MEF2D: variants seen among roughly 807,000 people sequenced by gnomAD.
MEF2D encodes the protein myocyte enhancer factor 2D.
MEF2D carries 10 observed loss-of-function variants against 59.3 expected under a neutral mutation model. That is an observed-to-expected ratio of 0.17 (90% confidence interval 0.10 to 0.29). The LOEUF (loss-of-function observed/expected upper bound fraction) is 0.29, where lower values mean the gene tolerates loss of function less well. MEF2D is among the 10% of genes least tolerant of loss of function. The probability of loss-of-function intolerance (pLI) is 1.00; values close to 1 mark genes in which losing one functional copy is unlikely to be tolerated. For synonymous variants in MEF2D, 305 were observed against 295.0 expected, an observed-to-expected ratio of 1.03 and a Z score of -0.35; for missense variants, 508 against 699.4, an observed-to-expected ratio of 0.73 and a Z score of 3.09.
intron 2 of MEF2D, among the ~76,000 whole-genome samples, chr1:156,482,894 C>CT (rs1047444576): frequency 7.9e-5 from 12 of 152,192 alleles, no homozygotes; most frequent in African/African-American, 2.9e-4. Context: ...CTCCACACCT[C>CT]TGTGCTGGAG....
rs1378967641 is a variant in MEF2D, at chr1:156,466,830, T to C, written c.*815A>G. 6.5e-6 allele frequency: 1 copy of C among 152,806 alleles called. No homozygotes were observed. Among genetic ancestry groups the C allele is most frequent in the Non-Finnish European group, 1.5e-5 (1 of 68,174 alleles). 9.5% of individuals were successfully genotyped at this position (152,806 alleles called of 1,614,324 possible). A position where few individuals can be genotyped will look rare whatever the true frequency, so the allele number is the denominator to read the frequency against. On this transcript the variant is annotated 3_prime_UTR_variant, in exon 12 of 12. Transcript: ENST00000348159. ...AACTGGGGAAGGGAGGGGCTCAATTTGCCCCCTGCCTAGCCCTTCTGCCCT... is the reference window on the plus strand; with the variant it reads ...AACTGGGGAAGGGAGGGGCTCAATTCGCCCCCTGCCTAGCCCTTCTGCCCT...
At chr1:156,472,872 G>T (rs571252504) in intron 9 of MEF2D, among the ~76,000 whole-genome samples, 1 of 152,044 alleles carries the variant, frequency 6.6e-6, no homozygotes, top group African/African-American at 2.4e-5. Flanking sequence ...ACTACATCCC[G>T]CTTAATTTTC....
intron 1 of MEF2D, among the ~76,000 whole-genome samples, chr1:156,495,191 A>C (rs1207619455): frequency 6.6e-6 from 1 of 151,986 alleles, no homozygotes; most frequent in African/African-American, 2.4e-5. Context: ...TCTGCTGAGG[A>C]ATCCTGGTTT....
intron 3 of MEF2D, among the ~76,000 whole-genome samples, chr1:156,482,132 A>G (rs1418601181): frequency 6.6e-6 from 1 of 152,260 alleles, no homozygotes; most frequent in Non-Finnish European, 1.5e-5. Flanking sequence ...GACAGGATGC[A>G]AGAAGGCAGG....
chr1:156,479,510 G>A (rs1189305197), intron 5 of MEF2D, 76 bp downstream of exon 5: 1 of 1,517,262 alleles, frequency 6.6e-7, no homozygotes, highest in African/African-American at 1.4e-5. Flanking sequence ...AGAAATACTT[G>A]CTGTTGAAAA....
rs1379286842 is a variant in MEF2D, at chr1:156,467,530, C to T, written c.*115G>A. 3 of 639,750 alleles carry T rather than the reference C, an allele frequency of 4.7e-6. No individual in the cohort carries two copies. Among genetic ancestry groups the T allele is most frequent in the African/African-American group, 1.9e-5 (1 of 53,476 alleles). 39.6% of individuals were successfully genotyped at this position (639,750 alleles called of 1,614,324 possible). On this transcript the variant is annotated 3_prime_UTR_variant, in exon 12 of 12. Coordinates refer to ENST00000348159, the MANE Select transcript of MEF2D (RefSeq NM_005920.4). ...CACAAATGTAACCGTCAACAGGACACGAAGCACAAGAAAGGAAGTGGGGGT... is the reference window on the plus strand; with the variant it reads ...CACAAATGTAACCGTCAACAGGACATGAAGCACAAGAAAGGAAGTGGGGGT...
At chr1:156,478,981 C>T (rs1671806392) in intron 6 of MEF2D, among the ~76,000 whole-genome samples, 1 of 152,224 alleles carries the variant, frequency 6.6e-6, no homozygotes, top group African/African-American at 2.4e-5. Context: ...GCCCGGCATT[C>T]TCATCCTCCA....
rs1670832402 is a variant in MEF2D, at chr1:156,466,227, GC to G, written c.*1417del. 1 of 152,642 alleles carries G rather than the reference GC, an allele frequency of 6.6e-6. No homozygotes were observed. The highest frequency in any genetic ancestry group is 6.5e-5 in the Admixed American group (1 of 15,300). 9.5% of individuals were successfully genotyped at this position (152,642 alleles called of 1,614,324 possible). A position where few individuals can be genotyped will look rare whatever the true frequency, so the allele number is the denominator to read the frequency against. On this transcript the variant is annotated 3_prime_UTR_variant, in exon 12 of 12. Transcript: ENST00000348159. Reference sequence around the variant, plus strand: ...GAAGAATCTCGTCTGTACAGTACGGGCCGTTTGAGTCATTATTATTACAATA... The same window carrying G: ...GAAGAATCTCGTCTGTACAGTACGGGCGTTTGAGTCATTATTATTACAATA...
Position 156,483,163 on chromosome 1 carries a change from G to A in MEF2D, c.54+76C>T, listed in dbSNP as rs1571248006. Reference sequence around the variant, plus strand: ...TCCCCTCTTCCACAAAGCCCTCTTGGAATGCCTGAAGGGAGTAGAGGCAGA... The same window carrying A: ...TCCCCTCTTCCACAAAGCCCTCTTGAAATGCCTGAAGGGAGTAGAGGCAGA... On this transcript the variant is annotated intron_variant, in intron 2 of 11. Transcript: ENST00000348159. 6 of 1,461,054 alleles carry A rather than the reference G, an allele frequency of 4.1e-6. No homozygotes were observed. In the East Asian group the frequency reaches 1.4e-4, roughly 33 times the overall value. 90.5% of individuals were successfully genotyped at this position (1,461,054 alleles called of 1,614,324 possible).
chr1:156,470,412 C>G (rs1671159791), intron 9 of MEF2D, among the ~76,000 whole-genome samples: 2 of 148,726 alleles, frequency 1.3e-5, no homozygotes, highest in South Asian at 4.2e-4. Flanking sequence ...GAGCGAGACT[C>G]TGTTTCAAAA....
intron 9 of MEF2D, among the ~76,000 whole-genome samples, chr1:156,474,556 A>G (rs1671441348): frequency 1.3e-5 from 2 of 152,254 alleles, no homozygotes; most frequent in African/African-American, 4.8e-5. Context: ...CACAGTCGGT[A>G]ACACAGCACT....
rs1035089918 is a variant in MEF2D at position 156,464,449 on chromosome 1, G to GGT, written c.*3195_*3196insAC. 1 of 133,474 alleles carries GGT rather than the reference G, an allele frequency of 7.5e-6. No individual in the cohort carries two copies. Among genetic ancestry groups the GGT allele is most frequent in the African/African-American group, 3.5e-5 (1 of 28,170 alleles). The allele number at this position is 133,474 out of a possible 1,614,324, so 8.3% of individuals were successfully genotyped here. A position where few individuals can be genotyped will look rare whatever the true frequency, so the allele number is the denominator to read the frequency against. On this transcript the variant is annotated 3_prime_UTR_variant, in exon 12 of 12. Coordinates refer to ENST00000348159, the MANE Select transcript of MEF2D (RefSeq NM_005920.4). ...GAATGGTGTGTTCCACTGAGGTGGT[G>GGT]GGGGGGGGTGTCCTCTTGCCCACTG...
At chr1:156,487,122 C>T (rs1672423125) in intron 1 of MEF2D, among the ~76,000 whole-genome samples, 1 of 152,210 alleles carries the variant, frequency 6.6e-6, no homozygotes, top group Admixed American at 6.5e-5. Context: ...GATGGGGTTG[C>T]TTAGGCAACT....
At position 156,479,332 on chromosome 1, in the gene MEF2D, C is replaced by A. The variant is rs752799439; in HGVS notation, c.622G>T (p.Gly208Cys). Reference protein sequence around the residue: ...RPASAGAMLGGDLNSANGACP... With the variant: ...RPASAGAMLGCDLNSANGACP... ...GCTCCGTTAGCACTGTTCAGGTCAC[C>A]CCCCAGCATGGCCCCTGGAGGAAAA... Residue 208 changes from glycine (G) to cysteine (C), a missense_variant, in exon 6 of 12, where the codon GGT becomes TGT. Physicochemically the swap from Gly to Cys is radical, Grantham distance 159. Coordinates refer to ENST00000348159, the MANE Select transcript of MEF2D (RefSeq NM_005920.4). 1.2e-6 allele frequency: 2 copies of A among 1,612,506 alleles called. No individual in the cohort carries two copies. The highest frequency in any genetic ancestry group is 1.7e-6 in the Non-Finnish European group (2 of 1,179,480).
intron 8 of MEF2D, 53 bp from the exon 9 acceptor site, chr1:156,475,290 G>A (rs1671496560): frequency 1.3e-6 from 2 of 1,524,306 alleles, no homozygotes; most frequent in African/African-American, 1.4e-5. Flanking sequence ...GCAGCTTTAT[G>A]TTGGCCCTCC....
intron 1 of MEF2D, among the ~76,000 whole-genome samples, chr1:156,495,520 T>G (rs963265397): frequency 4.0e-5 from 6 of 151,750 alleles, no homozygotes; most frequent in Non-Finnish European, 7.4e-5. Context: ...AAGTTTTGGT[T>G]TTTGGGCGGG....
chr1:156,474,155 G>GA (rs1671417448), intron 9 of MEF2D, among the ~76,000 whole-genome samples: 1 of 152,110 alleles, frequency 6.6e-6, no homozygotes, highest in Non-Finnish European at 1.5e-5. Context: ...CCTCCATTAA[G>GA]TACTTTTTAA....
chr1:156,486,454 A>T (rs1288755637), intron 1 of MEF2D, among the ~76,000 whole-genome samples: 1 of 152,192 alleles, frequency 6.6e-6, no homozygotes, highest in African/African-American at 2.4e-5. Context: ...AACCCAATCT[A>T]GACTGTTAAA....
At chr1:156,496,863 C>T (rs1451012702) in intron 1 of MEF2D, among the ~76,000 whole-genome samples, 1 of 152,220 alleles carries the variant, frequency 6.6e-6, no homozygotes, top group Admixed American at 6.5e-5. Context: ...GGCTATTTCT[C>T]CCACAGCTCC....
Sources: gnomAD v4.1 joint callset for allele counts (sites outside exome capture counted in the v4.1 genomes callset) on GRCh38, gnomAD v4.1.1 for gene constraint, MANE v1.5 for transcripts, NCBI Gene and HGNC (gene_info 2026-07-23, HGNC 2026-07-21) for gene names.